MAML3: variants seen among roughly 807,000 people sequenced by gnomAD.
MAML3 encodes mastermind-like protein 3.
In MAML3, 27 loss-of-function variants were observed where a neutral mutation model predicts 101.9. That is an observed-to-expected ratio of 0.27 (90% confidence interval 0.20 to 0.37). The LOEUF is 0.37. Ranked by LOEUF, MAML3 falls within the 10% of genes least tolerant of loss-of-function variation. MAML3 has a pLI of 1.00. For synonymous variants in MAML3, 501 were observed against 555.9 expected, an observed-to-expected ratio of 0.90 and a Z score of 1.39; for missense variants, 1,316 against 1,444.9, an observed-to-expected ratio of 0.91 and a Z score of 1.45.
chr4:139,747,722 A>G (rs1316581020), intron 2 of MAML3, among the ~76,000 whole-genome samples: 4 of 151,270 alleles, frequency 2.6e-5, no homozygotes, highest in Admixed American at 6.6e-5. Context: ...TTCCTTGCAC[A>G]CATCATTTGA....
chr4:140,103,530 C>G (rs1379397497), intron 1 of MAML3, among the ~76,000 whole-genome samples: 1 of 152,160 alleles, frequency 6.6e-6, no homozygotes, highest in African/African-American at 2.4e-5. Context: ...TGAGAAAGGG[C>G]TGAGGTTCTT....
intron 2 of MAML3, among the ~76,000 whole-genome samples, chr4:139,852,403 GTTTTTTTT>G (rs67349785): frequency 1.5e-5 from 1 of 68,326 alleles, no homozygotes; most frequent in Non-Finnish European, 2.7e-5. Context: ...TCAGAAGACT[GTTTTTTTT>G]TTTTTTTTTT....
chr4:140,014,311 T>C (rs919106333), intron 1 of MAML3, among the ~76,000 whole-genome samples: 1 of 152,048 alleles, frequency 6.6e-6, no homozygotes, highest in African/African-American at 2.4e-5. Flanking sequence ...TCAAAAAATA[T>C]AGATGTCCAA....
At chr4:140,087,852 C>T (rs1480032861) in intron 1 of MAML3, among the ~76,000 whole-genome samples, 1 of 152,134 alleles carries the variant, frequency 6.6e-6, no homozygotes, top group African/African-American at 2.4e-5. Flanking sequence ...AACTATACAA[C>T]CAACTCTTTA....
intron 1 of MAML3, among the ~76,000 whole-genome samples, chr4:140,139,427 C>T (rs1351701558): frequency 6.6e-6 from 1 of 152,082 alleles, no homozygotes; most frequent in Non-Finnish European, 1.5e-5. Flanking sequence ...CACAGTGGCT[C>T]ATGCCTATCA....
intron 2 of MAML3, among the ~76,000 whole-genome samples, chr4:139,774,261 A>G (rs1189950641): frequency 6.6e-6 from 1 of 152,090 alleles, no homozygotes; most frequent in African/African-American, 2.4e-5. Context: ...CAACTACTAC[A>G]CTTGGTAATT....
At chr4:139,872,019 A>G (rs568100540) in intron 2 of MAML3, among the ~76,000 whole-genome samples, 1 of 152,354 alleles carries the variant, frequency 6.6e-6, no homozygotes, top group South Asian at 2.1e-4. Context: ...AATACTAGGA[A>G]GTGAACAGCA....
intron 1 of MAML3, among the ~76,000 whole-genome samples, chr4:139,989,537 G>A (rs1179706338): frequency 6.6e-6 from 1 of 152,038 alleles, no homozygotes; most frequent in Admixed American, 6.5e-5. Flanking sequence ...TCTTCAGTGT[G>A]GGATGCTATG....
At chr4:140,096,968 C>G (rs1728175272) in intron 1 of MAML3, among the ~76,000 whole-genome samples, 1 of 151,948 alleles carries the variant, frequency 6.6e-6, no homozygotes, top group Non-Finnish European at 1.5e-5. Context: ...TGCTGAGATA[C>G]CTGACAAATG....
At chr4:139,946,258 A>T (rs1733724945) in intron 1 of MAML3, among the ~76,000 whole-genome samples, 1 of 152,264 alleles carries the variant, frequency 6.6e-6, no homozygotes, top group Non-Finnish European at 1.5e-5. Context: ...TCAGTTTCAT[A>T]ATAGCCGTTT....
intron 1 of MAML3, among the ~76,000 whole-genome samples, chr4:140,127,538 A>G (rs1728703653): frequency 2.0e-5 from 3 of 152,220 alleles, no homozygotes; most frequent in African/African-American, 7.2e-5. Flanking sequence ...CGACTCTTCC[A>G]TCTAACAAGC....
chr4:140,093,113 CTA>C (rs763916547), intron 1 of MAML3, among the ~76,000 whole-genome samples: 4 of 152,314 alleles, frequency 2.6e-5, no homozygotes, highest in Middle Eastern at 3.4e-3. Flanking sequence ...GTTCACCCAT[CTA>C]TAACTTGGCC....
chr4:139,909,243 T>A (rs1156810250), intron 1 of MAML3, among the ~76,000 whole-genome samples: 1 of 152,210 alleles, frequency 6.6e-6, no homozygotes, highest in Non-Finnish European at 1.5e-5. Flanking sequence ...TTAGTCAGAT[T>A]ATGTCTATAA....
Position 140,051,557 on chromosome 4 carries a change from C to CAA in MAML3, c.468+101301_468+101302dup, listed in dbSNP as rs545993388. Among the ~76,000 whole-genome samples, 625 of 103,408 alleles carry CAA rather than the reference C, an allele frequency of 6.0e-3. 6 individuals are homozygous for CAA. Among genetic ancestry groups the CAA allele is most frequent in the African/African-American group, 0.02 (559 of 28,488 alleles). 67.8% of individuals were successfully genotyped at this position (103,408 alleles called of 152,430 possible). A position where few individuals can be genotyped will look rare whatever the true frequency, so the allele number is the denominator to read the frequency against. ...GAGTGACAGAGATGAGACTCAGTCT[C>CAA]AAAAAAAAAAAAAAATTAAATTAAT... On this transcript the variant is annotated intron_variant, in intron 1 of 4. Coordinates refer to ENST00000509479, the MANE Select transcript of MAML3 (RefSeq NM_018717.5).
rs1579369171 is a variant in MAML3, at chr4:139,730,506, C to T, written c.2241G>A (p.Arg747=). 1.3e-6 allele frequency: 2 copies of T among 1,556,200 alleles called. No homozygotes were observed. Among genetic ancestry groups the T allele is most frequent in the Non-Finnish European group, 1.7e-6 (2 of 1,149,736 alleles). ...AIMKQMLIDQ[R]AQLIEQQKQQ... Reference sequence around the variant, plus strand: ...GCTTCTGCTGCTCTATCAACTGGGCCCGCTGATCAATGAGCATCTGCTTCA... The same window carrying T: ...GCTTCTGCTGCTCTATCAACTGGGCTCGCTGATCAATGAGCATCTGCTTCA... The change falls in exon 3 of 5, where the codon CGG becomes CGA. Residue 747 remains arginine, a synonymous_variant. Coordinates refer to ENST00000509479, the MANE Select transcript of MAML3 (RefSeq NM_018717.5).
chr4:140,074,126 G>A (rs995198867), intron 1 of MAML3, among the ~76,000 whole-genome samples: 18 of 146,180 alleles, frequency 1.2e-4, no homozygotes, highest in African/African-American at 3.1e-4. Flanking sequence ...GTGAGACTTC[G>A]AAAAAGAAAG....
chr4:139,776,858 T>C (rs999691799), intron 2 of MAML3, among the ~76,000 whole-genome samples: 1 of 152,298 alleles, frequency 6.6e-6, no homozygotes, highest in African/African-American at 2.4e-5. Context: ...TGTCCTACTT[T>C]GGCTCCAGCA....
intron 1 of MAML3, among the ~76,000 whole-genome samples, chr4:139,954,870 T>C (rs1222946087): frequency 6.6e-6 from 1 of 152,066 alleles, no homozygotes; most frequent in Non-Finnish European, 1.5e-5. Context: ...AGTACCTGTA[T>C]ACCATAAATA....
chr4:139,934,483 T>G (rs544706944), intron 1 of MAML3, among the ~76,000 whole-genome samples: 21 of 152,276 alleles, frequency 1.4e-4, no homozygotes, highest in Middle Eastern at 3.4e-3. Context: ...CAGCTGTGCA[T>G]GCGGCGGTGA....
Sources: gnomAD v4.1 joint callset for allele counts (sites outside exome capture counted in the v4.1 genomes callset) on GRCh38, gnomAD v4.1.1 for gene constraint, MANE v1.5 for transcripts, NCBI Gene and HGNC (gene_info 2026-07-23, HGNC 2026-07-21) for gene names.